Variants in NLGN1 observed in about 807,000 individuals in gnomAD.
NLGN1 encodes neuroligin-1.
A neutral mutation model predicts 65.5 loss-of-function variants in NLGN1; 12 were observed. The ratio of observed to expected loss-of-function variants is 0.18; its 90% CI spans 0.12 to 0.30. The LOEUF is 0.30. Among genes scored for constraint, NLGN1 ranks in the 10% least tolerant of loss-of-function variants. The pLI, the probability that NLGN1 is intolerant of heterozygous loss-of-function variation, is 1.00. For missense variants in NLGN1, 750 were observed against 1,007.1 expected (o/e 0.74, Z 3.46); for synonymous variants, 350 against 359.5 (o/e 0.97, Z 0.30).
intron 3 of NLGN1, among the ~76,000 whole-genome samples, chr3:173,757,753 A>G (rs1777355410): frequency 6.6e-6 from 1 of 152,070 alleles, no homozygotes. Context: ...AATTATCCTT[A>G]CTTTCTTTAG....
chr3:173,893,172 A>T (rs2152135646), intron 4 of NLGN1, among the ~76,000 whole-genome samples: 1 of 152,260 alleles, frequency 6.6e-6, no homozygotes, highest in African/African-American at 2.4e-5. Context: ...CTAGCTAGTT[A>T]TCCCTCTTTT....
chr3:173,403,422 GAA>G (rs1718078246), intron 1 of NLGN1, among the ~76,000 whole-genome samples: 1 of 152,044 alleles, frequency 6.6e-6, no homozygotes, highest in Non-Finnish European at 1.5e-5. Flanking sequence ...GATAATATGA[GAA>G]ATGACTGAAC....
intron 2 of NLGN1, among the ~76,000 whole-genome samples, chr3:173,559,954 T>A (rs1320593694): frequency 6.7e-5 from 10 of 149,350 alleles, no homozygotes; most frequent in Admixed American, 6.7e-4. Context: ...TTTTTTTTTT[T>A]TTTTTTTTGA....
intron 4 of NLGN1, among the ~76,000 whole-genome samples, chr3:174,169,701 C>T (rs1728168677): frequency 6.6e-6 from 1 of 152,076 alleles, no homozygotes; most frequent in Admixed American, 6.6e-5. Context: ...CCAGCAATGG[C>T]ACACGCAGAT....
intron 1 of NLGN1, among the ~76,000 whole-genome samples, chr3:173,422,125 C>T (rs988593022): frequency 3.4e-5 from 5 of 147,066 alleles, no homozygotes; most frequent in African/African-American, 1.3e-4. Flanking sequence ...TGTATGTGTA[C>T]TATATATAGT....
chr3:173,511,209 GTTGTTT>G (rs2149095982), intron 2 of NLGN1, among the ~76,000 whole-genome samples: 2 of 152,246 alleles, frequency 1.3e-5, no homozygotes, highest in African/African-American at 4.8e-5. Context: ...CAAACGACAA[GTTGTTT>G]TTGTTTTTGT....
intron 2 of NLGN1, among the ~76,000 whole-genome samples, chr3:173,557,560 C>T (rs1326859579): frequency 6.6e-6 from 1 of 151,910 alleles, no homozygotes; most frequent in Admixed American, 6.6e-5. Context: ...TGTATTTAAG[C>T]CTTCTGTTTT....
At chr3:174,024,507 T>G (rs1013973002) in intron 4 of NLGN1, among the ~76,000 whole-genome samples, 47 of 152,180 alleles carry the variant, frequency 3.1e-4, no homozygotes, top group African/African-American at 1.1e-3. Context: ...ATGCACAGAG[T>G]TAAATTTTCT....
At chr3:173,421,860 G>A (rs1035852796) in intron 1 of NLGN1, among the ~76,000 whole-genome samples, 1 of 152,006 alleles carries the variant, frequency 6.6e-6, no homozygotes, top group African/African-American at 2.4e-5. Context: ...GCTATGTCTC[G>A]TTAGGCTTCT....
At chr3:173,747,059 TACAC>T (rs3033827) in intron 3 of NLGN1, among the ~76,000 whole-genome samples, 71,479 of 130,266 alleles carry the variant, frequency 0.55, 18,731 homozygotes, top group East Asian at 0.76. Flanking sequence ...AAATTATATA[TACAC>T]ACACACACAC....
At chr3:173,415,037 G>A (rs1560219226) in intron 1 of NLGN1, among the ~76,000 whole-genome samples, 1 of 152,242 alleles carries the variant, frequency 6.6e-6, no homozygotes. Flanking sequence ...TGCCAAGTGA[G>A]CCAAACTTCT....
chr3:173,681,147 T>C (rs1763894012), intron 3 of NLGN1, among the ~76,000 whole-genome samples: 1 of 152,170 alleles, frequency 6.6e-6, no homozygotes, highest in African/African-American at 2.4e-5. Flanking sequence ...TCAAAAGAAA[T>C]GCAGCATTTT....
intron 3 of NLGN1, among the ~76,000 whole-genome samples, chr3:173,619,899 A>C (rs944028449): frequency 1.3e-5 from 2 of 152,196 alleles, no homozygotes; most frequent in Non-Finnish European, 1.5e-5. Context: ...TGACTGCAGA[A>C]CAAGAGGAAG....
chr3:173,892,711 C>T (rs952010371), intron 4 of NLGN1, among the ~76,000 whole-genome samples: 5 of 150,402 alleles, frequency 3.3e-5, no homozygotes, highest in African/African-American at 5.0e-5. Flanking sequence ...TCCAGCTCTA[C>T]ATCCGAGTTA....
intron 2 of NLGN1, among the ~76,000 whole-genome samples, chr3:173,491,573 C>G (rs1293851468): frequency 6.6e-6 from 1 of 151,682 alleles, no homozygotes; most frequent in African/African-American, 2.4e-5. Context: ...TGTTGTGTAT[C>G]TGCCAGGCTT....
chr3:173,553,940 G>C (rs1383478760), intron 2 of NLGN1, among the ~76,000 whole-genome samples: 1 of 152,076 alleles, frequency 6.6e-6, no homozygotes, highest in Admixed American at 6.5e-5. Context: ...GGTGATATTC[G>C]CACATCAAAG....
chr3:174,234,361 T>G (rs2152821488), intron 4 of NLGN1, among the ~76,000 whole-genome samples: 1 of 152,146 alleles, frequency 6.6e-6, no homozygotes, highest in Admixed American at 6.5e-5. Context: ...TTCCCTTGGG[T>G]TGGGTTGTCT....
chr3:173,622,548 TG>T (rs1754167832), intron 3 of NLGN1, among the ~76,000 whole-genome samples: 2 of 151,306 alleles, frequency 1.3e-5, no homozygotes, highest in African/African-American at 4.9e-5. Flanking sequence ...GCTGACCTGC[TG>T]GAAGAAGAAG....
At chr3:174,239,084 A>T (rs375963108) in intron 4 of NLGN1, among the ~76,000 whole-genome samples, 1 of 148,778 alleles carries the variant, frequency 6.7e-6, no homozygotes, top group African/African-American at 2.5e-5. Context: ...TTTATTTTTT[A>T]TTTTTGATAG....
Sources: allele counts gnomAD v4.1 joint callset (sites outside exome capture counted in the v4.1 genomes callset), GRCh38; gene constraint gnomAD v4.1.1; transcripts MANE v1.5; gene names NCBI Gene and HGNC (gene_info 2026-07-23, HGNC 2026-07-21).